KATNAL1: variants seen among roughly 807,000 people sequenced by gnomAD.
The protein encoded by KATNAL1 is katanin catalytic subunit A1 like 1, also known as katanin p60 ATPase-containing subunit A-like 1.
Under a neutral mutation model 55.2 loss-of-function variants are expected in KATNAL1, and 32 were observed. The ratio of observed to expected loss-of-function variants is 0.58; its 90% confidence interval spans 0.44 to 0.78. KATNAL1 has a LOEUF of 0.78. Among genes scored for constraint, KATNAL1 ranks in the 30% least tolerant of loss-of-function variants. KATNAL1 has a pLI of 0.00. For synonymous variants in KATNAL1, 193 were observed against 193.6 expected, an observed-to-expected ratio of 1.00 and a Z score of 0.02; for missense variants, 466 against 600.9, an observed-to-expected ratio of 0.78 and a Z score of 2.35.
At chr13:30,299,890 T>A (rs568660003) in intron 1 of KATNAL1, among the ~76,000 whole-genome samples, 17 of 152,288 alleles carry the variant, frequency 1.1e-4, no homozygotes, top group Middle Eastern at 3.4e-3. Flanking sequence ...AACTGTTTCA[T>A]GACTCAGATC....
At chr13:30,297,708 C>T (rs996512943) in intron 1 of KATNAL1, among the ~76,000 whole-genome samples, 1 of 152,192 alleles carries the variant, frequency 6.6e-6, no homozygotes, top group African/African-American at 2.4e-5. Flanking sequence ...AAATCATGCC[C>T]TTTGCAGCAA....
At chr13:30,279,924 T>C (rs2137529413) in intron 3 of KATNAL1, 139 bp downstream of exon 3, 1 of 695,954 alleles carries the variant, frequency 1.4e-6, no homozygotes, top group East Asian at 2.9e-5. Context: ...AAACTGTAAA[T>C]GTATAAATGT....
intron 1 of KATNAL1, among the ~76,000 whole-genome samples, chr13:30,292,302 G>A (rs901413653): frequency 8.6e-5 from 13 of 151,650 alleles, no homozygotes; most frequent in African/African-American, 2.7e-4. Flanking sequence ...TAACTCAAAT[G>A]GATTACTGAC....
rs984287394 is a variant in KATNAL1, at chr13:30,207,058, CCTT to C, written c.*1479_*1481del. ...ATCAAATCTCTTTTTTTAAAAAAAA[CCTT>C]CTTAGTATCTTGGTTAAATGTCCAA... is the stretch of plus-strand genomic sequence containing the variant. On this transcript the variant is annotated 3_prime_UTR_variant, in exon 11 of 11. Coordinates refer to ENST00000380615, the MANE Select transcript of KATNAL1 (RefSeq NM_032116.5). 5.9e-5 allele frequency: 9 copies of C among 152,040 alleles called. No individual in the cohort carries two copies. The highest frequency in any genetic ancestry group is 2.2e-4 in the African/African-American group (9 of 41,410). The allele number at this position is 152,040 out of a possible 1,614,324, so 9.4% of individuals were successfully genotyped here.
chr13:30,299,166 T>C (rs1031297889), intron 1 of KATNAL1, among the ~76,000 whole-genome samples: 4 of 152,132 alleles, frequency 2.6e-5, no homozygotes, highest in Non-Finnish European at 5.9e-5. Flanking sequence ...TAGAATTGTA[T>C]ACCAAACCAT....
chr13:30,274,907 G>GCGCGCACA lies in KATNAL1; in HGVS notation c.323+5155_323+5156insTGTGCGCG, dbSNP rs869107567. On this transcript the variant is annotated intron_variant, in intron 3 of 10. Coordinates refer to ENST00000380615, the MANE Select transcript of KATNAL1 (RefSeq NM_032116.5). ...CACACACATACGCGCGCGCGCGCGC[G>GCGCGCACA]CACACACACACACACACACACACAC... Among the ~76,000 whole-genome samples the GCGCGCACA allele has an allele frequency of 3.2e-3, 333 of 105,396 alleles. 2 individuals are homozygous for GCGCGCACA. Among genetic ancestry groups the GCGCGCACA allele is most frequent in the African/African-American group, 0.01 (247 of 24,684 alleles). 69.1% of individuals were successfully genotyped at this position (105,396 alleles called of 152,430 possible).
intron 3 of KATNAL1, among the ~76,000 whole-genome samples, chr13:30,259,415 G>A (rs1879064248): frequency 1.3e-5 from 2 of 152,144 alleles, no homozygotes; most frequent in Non-Finnish European, 1.5e-5. Context: ...CTCCCAGTGT[G>A]AGCGACGCAA....
At chr13:30,250,742 A>T (rs1232576551) in intron 4 of KATNAL1, among the ~76,000 whole-genome samples, 1 of 152,254 alleles carries the variant, frequency 6.6e-6, no homozygotes, top group Non-Finnish European at 1.5e-5. Flanking sequence ...ATAATTTGCC[A>T]TACTTTAATC....
At chr13:30,238,150 A>G (rs1443021782) in intron 6 of KATNAL1, among the ~76,000 whole-genome samples, 1 of 152,228 alleles carries the variant, frequency 6.6e-6, no homozygotes, top group Non-Finnish European at 1.5e-5. Flanking sequence ...CCAAACACCT[A>G]CAGAAAAAGA....
At chr13:30,286,303 T>G (rs528541607) in intron 1 of KATNAL1, among the ~76,000 whole-genome samples, 131 of 151,822 alleles carry the variant, frequency 8.6e-4, no homozygotes, top group Non-Finnish European at 1.6e-3. Flanking sequence ...GAGGGAAAAA[T>G]GGGTTTCCTG....
chr13:30,232,170 A>G (rs1018083183), intron 6 of KATNAL1, among the ~76,000 whole-genome samples: 2 of 152,230 alleles, frequency 1.3e-5, no homozygotes, highest in Non-Finnish European at 2.9e-5. Flanking sequence ...AAATTATTCA[A>G]AGAATCCAAC....
chr13:30,270,409 G>A (rs1251091632), intron 3 of KATNAL1, among the ~76,000 whole-genome samples: 38 of 151,978 alleles, frequency 2.5e-4, no homozygotes, highest in Admixed American at 7.9e-4. Flanking sequence ...CCACCACCCC[G>A]TCTGGGAGGT....
At chr13:30,225,579 G>GA (rs779247162) in intron 9 of KATNAL1, among the ~76,000 whole-genome samples, 8 of 149,802 alleles carry the variant, frequency 5.3e-5, no homozygotes, top group Non-Finnish European at 1.2e-4. Flanking sequence ...GTAATTCAAT[G>GA]AAAAAAGAAA....
chr13:30,292,455 T>C (rs1882197135), intron 1 of KATNAL1, among the ~76,000 whole-genome samples: 2 of 152,236 alleles, frequency 1.3e-5, no homozygotes, highest in Admixed American at 6.5e-5. Flanking sequence ...GGAAGTAGTC[T>C]GCATTACAGG....
intron 4 of KATNAL1, among the ~76,000 whole-genome samples, chr13:30,249,586 G>A (rs1199450584): frequency 6.6e-6 from 1 of 152,108 alleles, no homozygotes; most frequent in Admixed American, 6.5e-5. Flanking sequence ...ACAACACCAT[G>A]AAATAATCTC....
At chr13:30,290,527 T>C (rs1593180028) in intron 1 of KATNAL1, among the ~76,000 whole-genome samples, 1 of 152,120 alleles carries the variant, frequency 6.6e-6, no homozygotes, top group South Asian at 2.1e-4. Flanking sequence ...ACAGAAGAGG[T>C]AGAAATATTT....
intron 2 of KATNAL1, among the ~76,000 whole-genome samples, chr13:30,282,339 A>G (rs1156619211): frequency 6.6e-6 from 1 of 152,204 alleles, no homozygotes; most frequent in Non-Finnish European, 1.5e-5. Flanking sequence ...AAGGGCAAGT[A>G]TGAATACTTT....
chr13:30,296,367 G>T, intron 1 of KATNAL1: 1 of 1,123,090 alleles, frequency 8.9e-7, no homozygotes. Context: ...GAAGTGCTGG[G>T]CATCTTGGTG....
In KATNAL1 at chr13:30,292,124, G is replaced by C. The variant is rs1174997672; in HGVS notation, c.-14-8333C>G. 3.3e-5 allele frequency among the ~76,000 whole-genome samples: 5 copies of C among 152,254 alleles called. No individual in the cohort carries two copies. In the East Asian group the frequency reaches 7.7e-4, roughly 23 times the overall value. Reference sequence around the variant, plus strand: ...TCAGTGAAAGAAACTAGAGAGTCAAGAAACAGATTCATACATACAAAGCCA... The same window carrying C: ...TCAGTGAAAGAAACTAGAGAGTCAACAAACAGATTCATACATACAAAGCCA... On this transcript the variant is annotated intron_variant, in intron 1 of 10. Transcript: ENST00000380615.
Sources: allele counts gnomAD v4.1 joint callset (sites outside exome capture counted in the v4.1 genomes callset), GRCh38; gene constraint gnomAD v4.1.1; transcripts MANE v1.5; gene names NCBI Gene and HGNC (gene_info 2026-07-23, HGNC 2026-07-21).